The following CARF variants were observed in gnomAD, a reference collection of about 807,000 sequenced individuals.
CARF encodes calcium responsive transcription factor.
A neutral mutation model predicts 82.0 loss-of-function variants in CARF; 57 were observed. The observed-to-expected ratio is 0.70, with a 90% CI of 0.56 to 0.87. CARF has a LOEUF of 0.87. Ranked by LOEUF, CARF falls within the 40% of genes least tolerant of loss-of-function variation. The pLI is 0.00. For missense variants in CARF, 771 were observed against 855.8 expected (o/e 0.90, Z 1.24); for synonymous variants, 268 against 290.1 (o/e 0.92, Z 0.77).
At chr2:202,921,113 C>T (rs764223598) in intron 2 of CARF, among the ~76,000 whole-genome samples, 42 of 152,078 alleles carry the variant, frequency 2.8e-4, no homozygotes, top group Non-Finnish European at 1.2e-4. Flanking sequence ...GCAATTCTCC[C>T]GCCTCAGCCT....
chr2:202,980,615 A>AGTATATAT (rs2060210224), intron 14 of CARF, among the ~76,000 whole-genome samples: 1 of 39,360 alleles, frequency 2.5e-5, no homozygotes, highest in African/African-American at 1.6e-4. Flanking sequence ...GCGTCTTTCA[A>AGTATATAT]GTATATATAT....
chr2:202,934,806 T>G (rs906396401), intron 3 of CARF, among the ~76,000 whole-genome samples: 1 of 152,050 alleles, frequency 6.6e-6, no homozygotes, highest in African/African-American at 2.4e-5. Context: ...GGCTGGGCAG[T>G]GACTCACATC....
Position 202,974,477 on chromosome 2 carries a change from C to CA in CARF, c.1476dup (p.Glu493ArgfsTer51). The CA allele has an allele frequency of 6.3e-7, 1 of 1,599,158 alleles. No homozygotes were observed. The highest frequency in any genetic ancestry group is 1.1e-5 in the South Asian group (1 of 87,558). ...AGAAATGGAGATACGGTATATAACTCAGAGATTATTCCAGCAACGGTATGA... is the reference window on the plus strand; with the variant it reads ...AGAAATGGAGATACGGTATATAACTCAAGAGATTATTCCAGCAACGGTATGA... On this transcript the variant is annotated frameshift_variant, in exon 13 of 17. Transcript: ENST00000438828. LOFTEE classifies it high-confidence loss of function.
rs923107856 is a variant in CARF at position 202,976,627 on chromosome 2, T to C, written c.1495-642T>C. 3.3e-5 allele frequency among the ~76,000 whole-genome samples: 5 copies of C among 152,326 alleles called. No homozygotes were observed. In the East Asian group the frequency reaches 9.6e-4, roughly 29 times the overall value. ...AAATCTGAGATGTAGTATATTTTGCTTTCCTAACTTGTTATCCAAATGCAG... is the reference window on the plus strand; with the variant it reads ...AAATCTGAGATGTAGTATATTTTGCCTTCCTAACTTGTTATCCAAATGCAG... On this transcript the variant is annotated intron_variant, in intron 13 of 16. Transcript: ENST00000438828.
intron 12 of CARF, chr2:202,973,488 A>G (rs754442021): frequency 6.9e-6 from 3 of 432,770 alleles, no homozygotes; most frequent in Non-Finnish European, 1.4e-5. Flanking sequence ...CAAGCCCATC[A>G]TATTTCATAT....
Position 202,942,763 on chromosome 2 carries a change from G to A in CARF, c.102G>A (p.Arg34=). The stretch of plus-strand genomic sequence containing the variant: ...AGCATCTAATCTGTATGGACTCCAG[G>A]GATTCTTCCTTTGGACAAAATGATT... The part of the protein sequence containing the change: ...VFEHLICMDS[R]DSSFGQNDSP... The change falls in exon 5 of 17, where the codon AGG becomes AGA. Residue 34 remains arginine, a synonymous_variant. Coordinates refer to ENST00000438828, the MANE Select transcript of CARF (RefSeq NM_024744.17). The A allele has an allele frequency of 1.2e-6, 2 of 1,613,604 alleles. No homozygotes were observed. Among genetic ancestry groups the A allele is most frequent in the Non-Finnish European group, 8.5e-7 (1 of 1,179,794 alleles).
At chr2:202,939,451 A>G (rs1427677376) in intron 3 of CARF, among the ~76,000 whole-genome samples, 2 of 152,146 alleles carry the variant, frequency 1.3e-5, no homozygotes, top group Non-Finnish European at 2.9e-5. Context: ...TAGTAACTCC[A>G]TCATAAGTTT....
intron 3 of CARF, among the ~76,000 whole-genome samples, chr2:202,931,892 A>G (rs1693007216): frequency 6.6e-6 from 1 of 152,204 alleles, no homozygotes; most frequent in Admixed American, 6.5e-5. Flanking sequence ...CAGGGTCTGT[A>G]TTAGTCTGTT....
chr2:202,927,390 G>T (rs1373621376), intron 3 of CARF, among the ~76,000 whole-genome samples: 1 of 151,652 alleles, frequency 6.6e-6, no homozygotes, highest in Non-Finnish European at 1.5e-5. Context: ...GTATATTGAT[G>T]ATATACAACA....
intron 9 of CARF, among the ~76,000 whole-genome samples, chr2:202,965,451 T>C (rs1253623285): frequency 2.0e-5 from 3 of 152,210 alleles, no homozygotes; most frequent in Non-Finnish European, 4.4e-5. Flanking sequence ...TTTCCCTGTT[T>C]ACTTAAAGTT....
rs1416351765 is a variant in CARF, at chr2:202,961,142, G to A, written c.643-95G>A. On this transcript the variant is annotated intron_variant, in intron 8 of 16. Coordinates refer to ENST00000438828, the MANE Select transcript of CARF (RefSeq NM_024744.17). ...CACAAATGACATTCTCTTGTGAAAGGTGATGAGTCTTCCATTTTGGACAAC... is the reference window on the plus strand; with the variant it reads ...CACAAATGACATTCTCTTGTGAAAGATGATGAGTCTTCCATTTTGGACAAC... 6 of 943,676 alleles carry A rather than the reference G, an allele frequency of 6.4e-6. No homozygotes were observed. In the Admixed American group the frequency reaches 1.5e-4, roughly 24 times the overall value. 58.5% of individuals were successfully genotyped at this position (943,676 alleles called of 1,614,324 possible). A position where few individuals can be genotyped will look rare whatever the true frequency, so the allele number is the denominator to read the frequency against.
At chr2:202,938,413 C>G (rs1400397633) in intron 3 of CARF, 3 of 152,004 alleles carry the variant, frequency 2.0e-5, no homozygotes, top group Non-Finnish European at 4.4e-5. Context: ...CCACAACACC[C>G]AGCTAATTTT....
At position 202,981,661 on chromosome 2, in the gene CARF, G is replaced by A; in HGVS notation, c.1665G>A (p.Gln555=). The change falls in exon 15 of 17, where the codon CAG becomes CAA. Residue 555 remains glutamine (Q), a synonymous_variant. Coordinates refer to ENST00000438828, the MANE Select transcript of CARF (RefSeq NM_024744.17). The stretch of plus-strand genomic sequence containing the variant: ...TGCTCTCCTCACTCTCCTCATTTCA[G>A]CCCAAAATATTTACACAACTACAGG... ...THLLSSLSSF[Q]PKIFTQLQGL... 1 of 1,611,452 alleles carries A rather than the reference G, an allele frequency of 6.2e-7. No individual in the cohort carries two copies. The highest frequency in any genetic ancestry group is 8.5e-7 in the Non-Finnish European group (1 of 1,178,592).
At chr2:202,954,825 C>T (rs866363106) in intron 7 of CARF, among the ~76,000 whole-genome samples, 2 of 151,014 alleles carry the variant, frequency 1.3e-5, no homozygotes, top group East Asian at 1.9e-4. Context: ...CTGGCTAACA[C>T]GGTAAAACCC....
chr2:202,964,514 C>T (rs2059458911), intron 9 of CARF, among the ~76,000 whole-genome samples: 1 of 152,074 alleles, frequency 6.6e-6, no homozygotes, highest in Non-Finnish European at 1.5e-5. Context: ...CTCCTACACT[C>T]AAGCAATCTG....
intron 13 of CARF, among the ~76,000 whole-genome samples, chr2:202,975,976 C>T (rs1052781505): frequency 1.3e-5 from 2 of 151,916 alleles, no homozygotes; most frequent in East Asian, 3.9e-4. Context: ...ATCCGGGAGG[C>T]GGAGGTTGCA....
At position 202,986,868 on chromosome 2, in the gene CARF, G is replaced by GTATATATATATATATATACA. The variant is rs2060444343; in HGVS notation, c.*3262_*3263insCATATATATATATATATATA. 7 of 29,650 alleles carry GTATATATATATATATATACA rather than the reference G, an allele frequency of 2.4e-4. No homozygotes were observed. Among genetic ancestry groups the GTATATATATATATATATACA allele is most frequent in the African/African-American group, 5.4e-4 (7 of 13,024 alleles). 1.8% of individuals were successfully genotyped at this position (29,650 alleles called of 1,614,324 possible). On this transcript the variant is annotated 3_prime_UTR_variant, in exon 17 of 17. Transcript: ENST00000438828. ...AAAGAGGTTTAAAAAATGTCTGTGC[G>GTATATATATATATATATACA]TATATATATATATATATATATATAT...
intron 5 of CARF, among the ~76,000 whole-genome samples, chr2:202,951,681 T>C (rs1456704567): frequency 6.6e-6 from 1 of 152,146 alleles, no homozygotes; most frequent in Non-Finnish European, 1.5e-5. Flanking sequence ...GTTTAGTTGT[T>C]AAACTGAAAA....
rs1181174291 is a variant in CARF, at chr2:202,984,671, G to A, written c.*1047G>A. Reference sequence around the variant, plus strand: ...TTATATTTAAAACTTTAAAACATCTGATCTGGGATTTTTTTGTTAAGTAAG... The same window carrying A: ...TTATATTTAAAACTTTAAAACATCTAATCTGGGATTTTTTTGTTAAGTAAG... On this transcript the variant is annotated 3_prime_UTR_variant, in exon 17 of 17. Transcript: ENST00000438828. 6.6e-6 allele frequency: 1 copy of A among 152,116 alleles called. No individual in the cohort carries two copies. The highest frequency in any genetic ancestry group is 1.5e-5 in the Non-Finnish European group (1 of 68,006). 9.4% of individuals were successfully genotyped at this position (152,116 alleles called of 1,614,324 possible).
Sources: allele counts gnomAD v4.1 joint callset (sites outside exome capture counted in the v4.1 genomes callset), GRCh38; gene constraint gnomAD v4.1.1; transcripts MANE v1.5; gene names NCBI Gene and HGNC (gene_info 2026-07-23, HGNC 2026-07-21).